LMBR1: variants seen among roughly 807,000 people sequenced by gnomAD.
The protein encoded by LMBR1 is limb development membrane protein 1.
A neutral mutation model predicts 73.9 loss-of-function variants in LMBR1; 52 were observed. That is an observed-to-expected ratio of 0.70 (90% confidence interval 0.56 to 0.89). LMBR1 has a LOEUF of 0.89. LMBR1 is among the 40% of genes least tolerant of loss of function. The probability of loss-of-function intolerance (pLI) is 0.00; values close to 1 mark genes in which losing one functional copy is unlikely to be tolerated. For synonymous variants in LMBR1, 215 were observed against 209.4 expected (o/e 1.03, Z -0.23); for missense variants, 539 against 579.8 (o/e 0.93, Z 0.72).
chr7:156,820,013 AGATTACTGCCACCGTC>A (rs1157737526), intron 4 of LMBR1, among the ~76,000 whole-genome samples: 1 of 152,222 alleles, frequency 6.6e-6, no homozygotes, highest in East Asian at 1.9e-4. Context: ...GGGATTTCAG[AGATTACTGCCACCGTC>A]GAGGACTTGA....
chr7:156,868,581 T>A (rs979114763), intron 1 of LMBR1, among the ~76,000 whole-genome samples: 3 of 151,852 alleles, frequency 2.0e-5, no homozygotes, highest in African/African-American at 7.3e-5. Flanking sequence ...GAGAATTGCT[T>A]GAACCTTGGA....
chr7:156,797,735 C>T (rs1215788705), intron 4 of LMBR1, among the ~76,000 whole-genome samples: 3 of 152,190 alleles, frequency 2.0e-5, no homozygotes, highest in African/African-American at 7.2e-5. Context: ...TACGGGTCAG[C>T]TGGGGAGATT....
chr7:156,835,396 A>T (rs189181879), intron 2 of LMBR1, among the ~76,000 whole-genome samples: 190 of 152,260 alleles, frequency 1.2e-3, no homozygotes, highest in Middle Eastern at 0.01. Context: ...CTCACATCCA[A>T]TTAATTATCC....
intron 4 of LMBR1, among the ~76,000 whole-genome samples, chr7:156,671,587 A>C (rs73744308): frequency 0.031 from 4,678 of 151,470 alleles, 229 homozygotes; most frequent in African/African-American, 0.11. Flanking sequence ...ATGTTTTATA[A>C]GTTCAGCTTC....
chr7:156,696,302 C>T (rs912072369), intron 15 of LMBR1, among the ~76,000 whole-genome samples: 6 of 152,132 alleles, frequency 3.9e-5, no homozygotes, highest in Non-Finnish European at 4.4e-5. Flanking sequence ...AATATTTACA[C>T]GTCATATATT....
At chr7:156,743,902 G>A (rs1819363342) in intron 9 of LMBR1, among the ~76,000 whole-genome samples, 1 of 152,086 alleles carries the variant, frequency 6.6e-6, no homozygotes, top group Admixed American at 6.5e-5. Context: ...CCAACTCCTG[G>A]ATCTTGCTGC....
chr7:156,832,924 A>T (rs1836941446), intron 3 of LMBR1, among the ~76,000 whole-genome samples: 1 of 152,192 alleles, frequency 6.6e-6, no homozygotes, highest in Non-Finnish European at 1.5e-5. Context: ...TCTGAACTGG[A>T]TCCTTTCACT....
At position 156,671,667 on chromosome 7, in the gene LMBR1, C is replaced by A. The variant is rs151235843; in HGVS notation, n.867-2380G>T. 1.6e-3 allele frequency among the ~76,000 whole-genome samples: 246 copies of A among 152,220 alleles called. 1 individual carries two copies. Among genetic ancestry groups the A allele is most frequent in the African/African-American group, 5.6e-3 (232 of 41,518 alleles). On this transcript the variant is annotated intron_variant and non_coding_transcript_variant, in intron 4 of 4. Coordinates refer to the LMBR1 transcript ENST00000430825. ...AGGACGCCGATGTTTGCGGTACAGG[C>A]GGTCCTGTCGCCCAGCTCATGAGCA... is the stretch of plus-strand genomic sequence containing the variant.
intron 4 of LMBR1, among the ~76,000 whole-genome samples, chr7:156,797,503 A>G (rs1830248802): frequency 6.6e-6 from 1 of 152,348 alleles, no homozygotes; most frequent in South Asian, 2.1e-4. Flanking sequence ...TTCATTTCCA[A>G]GCAGTGGAGA....
intron 1 of LMBR1, among the ~76,000 whole-genome samples, chr7:156,886,467 C>T (rs1428846620): frequency 6.6e-6 from 1 of 152,218 alleles, no homozygotes; most frequent in African/African-American, 2.4e-5. Context: ...GCCCTGTAGT[C>T]AGATGGCGAA....
intron 1 of LMBR1, among the ~76,000 whole-genome samples, chr7:156,837,941 C>A (rs1837959527): frequency 6.6e-6 from 1 of 152,098 alleles, no homozygotes; most frequent in Middle Eastern, 3.2e-3. Flanking sequence ...TAGGCAACAC[C>A]ATGCCTGGCT....
chr7:156,828,520 C>T (rs1836090465), intron 3 of LMBR1, among the ~76,000 whole-genome samples: 1 of 152,112 alleles, frequency 6.6e-6, no homozygotes, highest in Admixed American at 6.5e-5. Flanking sequence ...ACCAGGAAGA[C>T]AGAACCTTTG....
chr7:156,832,845 G>A (rs997140132), intron 3 of LMBR1, among the ~76,000 whole-genome samples: 1 of 152,136 alleles, frequency 6.6e-6, no homozygotes, highest in African/African-American at 2.4e-5. Context: ...GGAAAGTCAA[G>A]GAAATAATGA....
rs1803458638 is a variant in LMBR1 at position 156,893,008 on chromosome 7, G to A, written c.-15C>T. On this transcript the variant is annotated 5_prime_UTR_variant, in exon 1 of 17. Transcript: ENST00000353442. ...TGCCCTTCCATCCTCCTTCATGCCC[G>A]CCGCCGCGCCGCCCGCGTCCGCGTG... 2 of 1,503,942 alleles carry A rather than the reference G, an allele frequency of 1.3e-6. No homozygotes were observed. The highest frequency in any genetic ancestry group is 3.6e-4 in the Middle Eastern group (2 of 5,556). 93.2% of individuals were successfully genotyped at this position (1,503,942 alleles called of 1,614,324 possible). A position where few individuals can be genotyped will look rare whatever the true frequency, so the allele number is the denominator to read the frequency against.
chr7:156,814,129 G>C (rs1440060933), intron 4 of LMBR1, among the ~76,000 whole-genome samples: 1 of 152,102 alleles, frequency 6.6e-6, no homozygotes, highest in Admixed American at 6.5e-5. Flanking sequence ...TCTTAAAAGA[G>C]ACTCAATAAA....
At chr7:156,886,355 G>T (rs1801902461) in intron 1 of LMBR1, among the ~76,000 whole-genome samples, 1 of 152,208 alleles carries the variant, frequency 6.6e-6, no homozygotes, top group South Asian at 2.1e-4. Context: ...TTCACAAAGT[G>T]GGGGAGGTCA....
intron 11 of LMBR1, among the ~76,000 whole-genome samples, chr7:156,728,430 G>T (rs556341182): frequency 6.6e-6 from 1 of 152,190 alleles, no homozygotes; most frequent in East Asian, 1.9e-4. Context: ...CTTTCATGAA[G>T]AAACAGATAA....
chr7:156,863,871 C>G (rs995683834), intron 1 of LMBR1, among the ~76,000 whole-genome samples: 2 of 151,964 alleles, frequency 1.3e-5, no homozygotes, highest in African/African-American at 4.8e-5. Context: ...TAGAGAAGAC[C>G]AGGCGTGGTA....
At chr7:156,813,018 G>T (rs1328962531) in intron 4 of LMBR1, among the ~76,000 whole-genome samples, 1 of 152,074 alleles carries the variant, frequency 6.6e-6, no homozygotes, top group East Asian at 1.9e-4. Flanking sequence ...AGGTGGGAGG[G>T]TATATATCCA....
Sources: allele counts gnomAD v4.1 joint callset (sites outside exome capture counted in the v4.1 genomes callset), GRCh38; gene constraint gnomAD v4.1.1; transcripts MANE v1.5; gene names NCBI Gene and HGNC (gene_info 2026-07-23, HGNC 2026-07-21).